CTPS2: variants seen among roughly 807,000 people sequenced by gnomAD.
The protein encoded by CTPS2 is CTP synthase II.
A neutral mutation model predicts 46.8 loss-of-function variants in CTPS2; 19 were observed. The ratio of observed to expected loss-of-function variants is 0.41; its 90% CI spans 0.28 to 0.60. CTPS2 has a LOEUF of 0.60. Among genes scored for constraint, CTPS2 ranks in the 20% least tolerant of loss-of-function variants. The pLI is 0.35. For synonymous variants in CTPS2, 151 were observed against 165.2 expected, an observed-to-expected ratio of 0.91 and a Z score of 0.66; for missense variants, 286 against 447.6, an observed-to-expected ratio of 0.64 and a Z score of 3.26.
chrX:16,667,258 G>A lies in CTPS2; in HGVS notation c.1296+256C>T, dbSNP rs772771791. ...AGCAATTCTCCTGCCTCAGCCTCCCGAGTAGCTGATATTACACGCATCTGC... is the reference window on the plus strand; with the variant it reads ...AGCAATTCTCCTGCCTCAGCCTCCCAAGTAGCTGATATTACACGCATCTGC... On this transcript the variant is annotated intron_variant, in intron 13 of 18. Transcript: ENST00000359276. Among the ~76,000 whole-genome samples, 12 of 104,686 alleles carry A rather than the reference G, an allele frequency of 1.1e-4. No individual in the cohort carries two copies. The East Asian group carries it at 1.9e-3, about 17-fold the overall frequency. 90.9% of individuals were successfully genotyped at this position (104,686 alleles called of 115,157 possible). A position where few individuals can be genotyped will look rare whatever the true frequency, so the allele number is the denominator to read the frequency against.
chrX:16,672,449 C>A (rs1921830237), intron 10 of CTPS2, among the ~76,000 whole-genome samples: 1 of 111,164 alleles, frequency 9.0e-6, no homozygotes, highest in African/African-American at 3.3e-5. Context: ...CTTTTCGTAT[C>A]TTTTCTGTTA....
chrX:16,633,079 C>G (rs932395519), intron 14 of CTPS2, among the ~76,000 whole-genome samples: 3 of 69,199 alleles, frequency 4.3e-5, no homozygotes, highest in Non-Finnish European at 8.2e-5. Context: ...TTTTTCTTTT[C>G]TTTTGTTTTT....
At chrX:16,665,160 A>G (rs746079806) in intron 13 of CTPS2, among the ~76,000 whole-genome samples, 1 of 112,341 alleles carries the variant, frequency 8.9e-6, no homozygotes, top group Non-Finnish European at 1.9e-5. Context: ...AAGGATATGG[A>G]CAAATTAGGA....
intron 13 of CTPS2, among the ~76,000 whole-genome samples, chrX:16,663,045 T>C (rs1209959571): frequency 1.8e-5 from 2 of 112,139 alleles, no homozygotes; most frequent in East Asian, 5.6e-4. Context: ...CCATATAGCA[T>C]ACAGCAGAGC....
intron 13 of CTPS2, among the ~76,000 whole-genome samples, chrX:16,654,058 G>A (rs763424641): frequency 1.4e-4 from 16 of 112,135 alleles, no homozygotes; most frequent in Middle Eastern, 4.6e-3. Flanking sequence ...TTTGTGTGCC[G>A]TGGGCAATCC....
chrX:16,712,724 T>C (rs1925557226), upstream of CTPS2: 1 of 113,018 alleles, frequency 8.8e-6, no homozygotes, highest in Non-Finnish European at 1.9e-5. Context: ...TGGCTCACTT[T>C]GCAAAGGCAC....
chrX:16,616,861 AT>A (rs1331949808), intron 16 of CTPS2, among the ~76,000 whole-genome samples: 1 of 110,711 alleles, frequency 9.0e-6, no homozygotes, highest in Admixed American at 9.6e-5. Flanking sequence ...CACCTGGCTA[AT>A]TTTTGTATTT....
chrX:16,646,921 T>C (rs1932346170), intron 13 of CTPS2, among the ~76,000 whole-genome samples: 1 of 112,034 alleles, frequency 8.9e-6, no homozygotes, highest in Non-Finnish European at 1.9e-5. Context: ...CTCTCCATTT[T>C]CCCATTACCA....
chrX:16,703,042 T>A, intron 1 of CTPS2, 101 bp from the exon 2 acceptor site: 3 of 497,201 alleles, frequency 6.0e-6, no homozygotes, highest in Non-Finnish European at 9.5e-6. Context: ...TTTTTTTTTT[T>A]AGACATAGTC....
At chrX:16,641,667 C>T (rs1275278677) in intron 13 of CTPS2, among the ~76,000 whole-genome samples, 3 of 112,068 alleles carry the variant, frequency 2.7e-5, no homozygotes, top group African/African-American at 6.5e-5. Context: ...GCCTAGGAGG[C>T]GGAGGTTGCA....
Position 16,653,324 on chromosome X carries a change from C to T in CTPS2, c.1297-14081G>A, listed in dbSNP as rs776051844. On this transcript the variant is annotated intron_variant, in intron 13 of 18. Coordinates refer to ENST00000359276, the MANE Select transcript of CTPS2 (RefSeq NM_175859.3). ...CAAAAAGCCTGCACACGATCTCACA[C>T]GACATCTCAAGCAGTGGTTCTCCAA... 1.3e-4 allele frequency among the ~76,000 whole-genome samples: 15 copies of T among 111,815 alleles called. No homozygotes were observed. The East Asian group carries it at 1.4e-3, about 10-fold the overall frequency.
chrX:16,673,622 G>C (rs148814915), intron 10 of CTPS2, among the ~76,000 whole-genome samples: 6,012 of 111,218 alleles, frequency 0.054, 379 homozygotes, highest in African/African-American at 0.18. Flanking sequence ...AAATAGTAAA[G>C]CTTAAATCAA....
intron 17 of CTPS2, among the ~76,000 whole-genome samples, chrX:16,605,668 G>A (rs1331204219): frequency 1.8e-5 from 2 of 111,707 alleles, no homozygotes; most frequent in East Asian, 5.6e-4. Flanking sequence ...GTTGCAGTGA[G>A]CCAAGACCAC....
At position 16,698,153 on chromosome X, in the gene CTPS2, TGTAA is replaced by T. The variant is rs747105291; in HGVS notation, c.438+79_438+82del. The T allele has an allele frequency of 2.6e-4, 183 of 707,605 alleles. 1 individual carries two copies. In the African/African-American group the frequency reaches 3.4e-3, roughly 13 times the overall value. The allele number at this position is 707,605 out of a possible 1,213,427, so 58.3% of individuals were successfully genotyped here. On this transcript the variant is annotated intron_variant, in intron 4 of 18. Coordinates refer to ENST00000359276, the MANE Select transcript of CTPS2 (RefSeq NM_175859.3). ...AGTGTCCAGCACTCAGGAGGGCGTG[TGTAA>T]GTATTTGTCAAATAAATGAAGATCA...
chrX:16,636,057 T>C (rs1371939124), intron 14 of CTPS2, among the ~76,000 whole-genome samples: 2 of 112,138 alleles, frequency 1.8e-5, no homozygotes, highest in Non-Finnish European at 3.8e-5. Context: ...AGGAATGAAG[T>C]ACTGATACAT....
intron 2 of CTPS2, among the ~76,000 whole-genome samples, chrX:16,699,376 GA>G (rs1263491127): frequency 2.7e-5 from 3 of 111,646 alleles, no homozygotes; most frequent in African/African-American, 6.5e-5. Flanking sequence ...AAAAAGACAT[GA>G]AAACAGAAAT....
chrX:16,674,791 T>C (rs1205189546), intron 10 of CTPS2, among the ~76,000 whole-genome samples: 1 of 106,101 alleles, frequency 9.4e-6, no homozygotes. Context: ...TGAGCAGAGA[T>C]TGCGCCACTG....
chrX:16,632,486 A>T (rs1931529838), intron 14 of CTPS2, among the ~76,000 whole-genome samples: 1 of 107,375 alleles, frequency 9.3e-6, no homozygotes, highest in Admixed American at 1.0e-4. Flanking sequence ...CAGTGGCATG[A>T]TCTCGGCTCA....
At chrX:16,687,401 G>C (rs1923294824) in intron 8 of CTPS2, among the ~76,000 whole-genome samples, 1 of 104,669 alleles carries the variant, frequency 9.6e-6, no homozygotes, top group Non-Finnish European at 1.9e-5. Context: ...CTTGAGCCCA[G>C]GAGGTCGAGG....
Sources: gnomAD v4.1 joint callset for allele counts (sites outside exome capture counted in the v4.1 genomes callset) on GRCh38, gnomAD v4.1.1 for gene constraint, MANE v1.5 for transcripts, NCBI Gene and HGNC (gene_info 2026-07-23, HGNC 2026-07-21) for gene names.